RAD21L1: variants seen among roughly 807,000 people sequenced by gnomAD.
The protein encoded by RAD21L1 is RAD21 cohesin complex component like 1.
A neutral mutation model predicts 69.0 loss-of-function variants in RAD21L1; 47 were observed. The observed-to-expected ratio is 0.68, with a 90% CI of 0.54 to 0.87. The LOEUF is 0.87. Ranked by LOEUF, RAD21L1 falls within the 40% of genes least tolerant of loss-of-function variation. The probability of loss-of-function intolerance (pLI) is 0.00; values close to 1 mark genes in which losing one functional copy is unlikely to be tolerated. For synonymous variants in RAD21L1, 177 were observed against 205.8 expected (o/e 0.86, Z 1.20); for missense variants, 583 against 647.6 (o/e 0.90, Z 1.08).
In RAD21L1 at chr20:1,229,955, C is replaced by G. The variant is rs1259063874; in HGVS notation, c.220C>G (p.Leu74Val). 5.2e-6 allele frequency: 8 copies of G among 1,550,862 alleles called. No individual in the cohort carries two copies. ...AATCTATAACAGGAAGGCAAAATAT[C>G]TTTTGGCAGATTGCAGTGAAGCATT... ...VRIYNRKAKY[L>V]LADCSEAFLK... The change falls in exon 3 of 14, where the codon CTT becomes GTT. Residue 74 changes from leucine to valine, a missense_variant. Transcript: ENST00000683101.
chr20:1,236,378 A>G (rs2087495522), intron 5 of RAD21L1, among the ~76,000 whole-genome samples: 1 of 151,980 alleles, frequency 6.6e-6, no homozygotes, highest in South Asian at 2.1e-4. Flanking sequence ...TTCTACCTAT[A>G]CTCAAGGCCC....
At chr20:1,229,804 G>A (rs746790695) in intron 2 of RAD21L1, 76 bp from the exon 3 acceptor site, 12 of 1,112,780 alleles carry the variant, frequency 1.1e-5, no homozygotes, top group African/African-American at 6.3e-5. Flanking sequence ...CAATTCTTAC[G>A]ATGTCAGTAA....
chr20:1,250,851 C>T (rs1255622141), intron 13 of RAD21L1, among the ~76,000 whole-genome samples: 3 of 152,122 alleles, frequency 2.0e-5, no homozygotes, highest in African/African-American at 7.2e-5. Context: ...AATGATCCAT[C>T]AGTTCCATTT....
Position 1,255,415 on chromosome 20 carries a change from A to G in RAD21L1, c.*958A>G, listed in dbSNP as rs1208018315. Reference sequence around the variant, plus strand: ...GTTTGAGTTAGGACATTTTCATATGATGCTCTGTGAGCTCCATCATACACT... The same window carrying G: ...GTTTGAGTTAGGACATTTTCATATGGTGCTCTGTGAGCTCCATCATACACT... On this transcript the variant is annotated 3_prime_UTR_variant, in exon 14 of 14. Transcript: ENST00000683101. Among the ~76,000 whole-genome samples the G allele has an allele frequency of 6.6e-6, 1 of 152,158 alleles. No individual in the cohort carries two copies. Among genetic ancestry groups the G allele is most frequent in the Admixed American group, 6.5e-5 (1 of 15,274 alleles).
intron 1 of RAD21L1, 94 bp downstream of exon 1, chr20:1,226,234 G>T (rs1385727518): frequency 2.0e-5 from 3 of 151,280 alleles, no homozygotes; most frequent in African/African-American, 7.3e-5. Context: ...ACACGCACCC[G>T]GCGCCGGCGC....
At chr20:1,237,545 C>T (rs1273918592) in intron 5 of RAD21L1, among the ~76,000 whole-genome samples, 1 of 150,360 alleles carries the variant, frequency 6.7e-6, no homozygotes, top group African/African-American at 2.5e-5. Context: ...TCTATCACTG[C>T]CTCCTAGCAT....
chr20:1,246,196 C>G lies in RAD21L1; in HGVS notation c.1309-17C>G. ...CACTGGCAGATTTACCTAACTTTCC[C>G]TAATTTGCTTCAGCAGGATATTGTT... On this transcript the variant is annotated splice_polypyrimidine_tract_variant and intron_variant, in intron 11 of 13. Coordinates refer to ENST00000683101, the MANE Select transcript of RAD21L1 (RefSeq NM_001384355.1). This position sits in a 1 kb window ranked among gnomAD's most constrained non-coding sequence, Gnocchi z 4.6. 2 of 1,474,248 alleles carry G rather than the reference C, an allele frequency of 1.4e-6. No individual in the cohort carries two copies. The highest frequency in any genetic ancestry group is 1.8e-6 in the Non-Finnish European group (2 of 1,094,758). 91.3% of individuals were successfully genotyped at this position (1,474,248 alleles called of 1,614,324 possible).
intron 2 of RAD21L1, 92 bp downstream of exon 2, chr20:1,228,689 C>A: frequency 1.1e-6 from 1 of 944,780 alleles, no homozygotes; most frequent in Non-Finnish European, 1.5e-6. Flanking sequence ...AATACATTTT[C>A]AAGGAAGTTT....
intron 10 of RAD21L1, among the ~76,000 whole-genome samples, chr20:1,243,698 T>TG (rs2087664886): frequency 6.6e-6 from 1 of 152,184 alleles, no homozygotes; most frequent in Admixed American, 6.6e-5. Flanking sequence ...ATTGATGTGA[T>TG]GAGTGAGCTT....
Position 1,244,134 on chromosome 20 carries a change from C to A in RAD21L1, c.1272C>A (p.Ser424Arg). ...WKDVIGGSQH[S>R]SHEDTNKNIN... The stretch of plus-strand genomic sequence containing the variant: ...ATGTGATTGGTGGATCTCAGCATAG[C>A]TCTCATGAGGATACCAATAAAAATA... The change falls in exon 11 of 14, where the codon AGC (serine) becomes AGA (arginine). Residue 424 changes from serine to arginine, a missense_variant. Transcript: ENST00000683101. 1.3e-6 allele frequency: 2 copies of A among 1,547,658 alleles called. No individual in the cohort carries two copies. The highest frequency in any genetic ancestry group is 1.7e-6 in the Non-Finnish European group (2 of 1,143,594).
At chr20:1,232,137 A>G (rs1455960522) in intron 4 of RAD21L1, among the ~76,000 whole-genome samples, 1 of 152,218 alleles carries the variant, frequency 6.6e-6, no homozygotes, top group Non-Finnish European at 1.5e-5. Context: ...AGGAAGAGCA[A>G]GTAGAAAGGC....
At chr20:1,240,568 G>A (rs1568521745) in intron 8 of RAD21L1, 134 bp downstream of exon 8, 1 of 1,329,106 alleles carries the variant, frequency 7.5e-7, no homozygotes, top group African/African-American at 1.5e-5. Flanking sequence ...CAATAGAGGA[G>A]AAGACGGTGA....
chr20:1,249,198 A>G (rs1333830694), intron 13 of RAD21L1, among the ~76,000 whole-genome samples: 2 of 152,108 alleles, frequency 1.3e-5, no homozygotes, highest in African/African-American at 4.8e-5. Context: ...TTCTTTTAGT[A>G]TTTATATCTA....
Position 1,239,419 on chromosome 20 carries a change from T to C in RAD21L1, c.742+12T>C. 1 of 1,464,652 alleles carries C rather than the reference T, an allele frequency of 6.8e-7. No individual in the cohort carries two copies. Among genetic ancestry groups the C allele is most frequent in the Non-Finnish European group, 9.3e-7 (1 of 1,069,754 alleles). The allele number at this position is 1,464,652 out of a possible 1,614,324, so 90.7% of individuals were successfully genotyped here. A position where few individuals can be genotyped will look rare whatever the true frequency, so the allele number is the denominator to read the frequency against. The stretch of plus-strand genomic sequence containing the variant: ...CAATAGTTTAGCAGGTAGGTTGAAA[T>C]TTTCCTTTATGAGAAAGTAATGGGT... On this transcript the variant is annotated intron_variant, in intron 7 of 13. Transcript: ENST00000683101.
intron 8 of RAD21L1, among the ~76,000 whole-genome samples, chr20:1,241,505 A>AT (rs780130246): frequency 4.8e-4 from 72 of 149,976 alleles, no homozygotes; most frequent in African/African-American, 9.0e-4. Flanking sequence ...ACAGTAAAGC[A>AT]TTTTTTTTTT....
At chr20:1,228,689 C>G in intron 2 of RAD21L1, 92 bp downstream of exon 2, 1 of 944,780 alleles carries the variant, frequency 1.1e-6, no homozygotes, top group Non-Finnish European at 1.5e-6. Context: ...AATACATTTT[C>G]AAGGAAGTTT....
At chr20:1,242,584 T>C in intron 8 of RAD21L1, 35 bp from the exon 9 acceptor site, 2 of 1,457,004 alleles carry the variant, frequency 1.4e-6, no homozygotes, top group African/African-American at 1.4e-5. Context: ...GAAAGCTGTA[T>C]AACCAATCAC....
chr20:1,254,237 A>G (rs2087890783), intron 13 of RAD21L1, 32 bp from the exon 14 acceptor site: 2 of 1,390,432 alleles, frequency 1.4e-6, no homozygotes, highest in African/African-American at 1.5e-5. Context: ...CTTGTTTCCC[A>G]TTTCTTTTTT....
intron 4 of RAD21L1, among the ~76,000 whole-genome samples, chr20:1,233,719 G>A (rs972050692): frequency 1.3e-5 from 2 of 152,044 alleles, no homozygotes; most frequent in African/African-American, 4.8e-5. Context: ...CTCATTCATG[G>A]GAATCTGCCC....
Sources: gnomAD v4.1 joint callset for allele counts (sites outside exome capture counted in the v4.1 genomes callset) on GRCh38, gnomAD v4.1.1 for gene constraint, Gnocchi (gnomAD v3.1) non-coding constraint, MANE v1.5 for transcripts, NCBI Gene and HGNC (gene_info 2026-07-23, HGNC 2026-07-21) for gene names.